XKR4: variants seen among roughly 807,000 people sequenced by gnomAD.
The protein encoded by XKR4 is XK-related protein 4.
Under a neutral mutation model 53.9 loss-of-function variants are expected in XKR4, and 12 were observed. That is an observed-to-expected ratio of 0.22 (90% confidence interval 0.14 to 0.36). XKR4 has a LOEUF of 0.36. Among genes scored for constraint, XKR4 ranks in the 10% least tolerant of loss-of-function variants. The pLI is 1.00. For missense variants in XKR4, 799 were observed against 859.5 expected (o/e 0.93, Z 0.88); for synonymous variants, 354 against 362.4 (o/e 0.98, Z 0.26).
At chr8:55,442,879 A>G (rs1429114394) in intron 2 of XKR4, among the ~76,000 whole-genome samples, 3 of 152,204 alleles carry the variant, frequency 2.0e-5, no homozygotes, top group Admixed American at 6.5e-5. Context: ...GGGGGTGATG[A>G]AAATGTTCTG....
chr8:55,512,744 A>AC (rs1356259498), intron 2 of XKR4, among the ~76,000 whole-genome samples: 3 of 152,016 alleles, frequency 2.0e-5, no homozygotes, highest in Non-Finnish European at 2.9e-5. Context: ...TCTGAGTGCA[A>AC]CCCACAGGTC....
chr8:55,111,644 A>G (rs1816233008), intron 1 of XKR4, among the ~76,000 whole-genome samples: 1 of 152,214 alleles, frequency 6.6e-6, no homozygotes, highest in South Asian at 2.1e-4. Flanking sequence ...ATTCGAAATG[A>G]TGTCAAAAGT....
intron 2 of XKR4, among the ~76,000 whole-genome samples, chr8:55,512,899 A>G (rs986736672): frequency 6.6e-6 from 1 of 151,818 alleles, no homozygotes; most frequent in Non-Finnish European, 1.5e-5. Context: ...GTTTAAGCAG[A>G]CTCCCAGCTC....
At chr8:55,309,321 C>T (rs1014189355) in intron 1 of XKR4, among the ~76,000 whole-genome samples, 7 of 152,196 alleles carry the variant, frequency 4.6e-5, no homozygotes, top group Non-Finnish European at 1.0e-4. Flanking sequence ...AGATTACATA[C>T]TATTTGATTC....
intron 1 of XKR4, among the ~76,000 whole-genome samples, chr8:55,103,874 T>G (rs1326947363): frequency 7.0e-6 from 1 of 143,398 alleles, no homozygotes; most frequent in Admixed American, 6.9e-5. Flanking sequence ...TATATATATA[T>G]ATATATATAT....
At chr8:55,514,279 TCTCA>T (rs1238921991) in intron 2 of XKR4, among the ~76,000 whole-genome samples, 1 of 131,646 alleles carries the variant, frequency 7.6e-6, no homozygotes, top group Non-Finnish European at 1.6e-5. Flanking sequence ...TGAGAAGGAG[TCTCA>T]CTCACTCTTG....
chr8:55,479,010 G>T (rs1376181816), intron 2 of XKR4, among the ~76,000 whole-genome samples: 1 of 151,974 alleles, frequency 6.6e-6, no homozygotes, highest in Non-Finnish European at 1.5e-5. Flanking sequence ...AAGTTAACAA[G>T]GATACCCAGG....
chr8:55,454,951 AAAG>A (rs1329009021), intron 2 of XKR4: 21 of 848,384 alleles, frequency 2.5e-5, no homozygotes, highest in Non-Finnish European at 3.5e-5. Context: ...GGACAGCAAC[AAAG>A]AAGGTCGGTG....
intron 1 of XKR4, among the ~76,000 whole-genome samples, chr8:55,329,133 T>C (rs572061311): frequency 1.3e-5 from 2 of 152,250 alleles, no homozygotes; most frequent in African/African-American, 4.8e-5. Context: ...GAAACTTGAG[T>C]TCCTAAATCT....
intron 2 of XKR4, among the ~76,000 whole-genome samples, chr8:55,395,433 T>A (rs1341690908): frequency 6.6e-6 from 1 of 151,986 alleles, no homozygotes; most frequent in Non-Finnish European, 1.5e-5. Context: ...TGAGAAATCA[T>A]AAGTCATGTG....
At chr8:55,142,275 C>T (rs1413865347) in intron 1 of XKR4, 1 of 440,784 alleles carries the variant, frequency 2.3e-6, no homozygotes, top group African/African-American at 2.0e-5. Flanking sequence ...TTGCCATTCT[C>T]CTGGATAAGG....
chr8:55,401,332 T>C (rs1037082773), intron 2 of XKR4, among the ~76,000 whole-genome samples: 4 of 152,186 alleles, frequency 2.6e-5, no homozygotes, highest in Non-Finnish European at 5.9e-5. Context: ...GGAGGCATGA[T>C]GGTTATCATG....
At chr8:55,217,887 A>G (rs78077055) in intron 1 of XKR4, among the ~76,000 whole-genome samples, 16 of 152,342 alleles carry the variant, frequency 1.1e-4, no homozygotes, top group African/African-American at 3.8e-4. Flanking sequence ...GGAAAAAGTA[A>G]GAAGAGCAAA....
chr8:55,297,958 AATTTC>A (rs1202456284), intron 1 of XKR4, among the ~76,000 whole-genome samples: 1 of 152,236 alleles, frequency 6.6e-6, no homozygotes. Flanking sequence ...TTCCATCAGC[AATTTC>A]ATCATCCAAT....
chr8:55,130,218 T>C (rs182983905), intron 1 of XKR4, among the ~76,000 whole-genome samples: 1 of 147,684 alleles, frequency 6.8e-6, no homozygotes. Flanking sequence ...AAATAGGTAA[T>C]ATGTCAGGTG....
rs1807065408 is a variant in XKR4, at chr8:55,538,774, G to A, written c.*14547G>A. On this transcript the variant is annotated 3_prime_UTR_variant, in exon 3 of 3. Coordinates refer to ENST00000327381, the MANE Select transcript of XKR4 (RefSeq NM_052898.2). Reference sequence around the variant, plus strand: ...GGTGGCGTTCTGAAATCCACTACTGGGGAAAGATTTTTAACAGATATTAGT... The same window carrying A: ...GGTGGCGTTCTGAAATCCACTACTGAGGAAAGATTTTTAACAGATATTAGT... The A allele has an allele frequency of 6.6e-6, 1 of 152,088 alleles. No homozygotes were observed. The highest frequency in any genetic ancestry group is 6.5e-5 in the Admixed American group (1 of 15,278). 9.4% of individuals were successfully genotyped at this position (152,088 alleles called of 1,614,324 possible).
chr8:55,480,431 C>T (rs991451104), intron 2 of XKR4, among the ~76,000 whole-genome samples: 1 of 152,088 alleles, frequency 6.6e-6, no homozygotes, highest in Non-Finnish European at 1.5e-5. Flanking sequence ...TATGACAAAC[C>T]CACAGCCAAT....
intron 2 of XKR4, among the ~76,000 whole-genome samples, chr8:55,505,410 G>A (rs977139890): frequency 2.6e-5 from 4 of 152,082 alleles, no homozygotes; most frequent in African/African-American, 9.7e-5. Flanking sequence ...AAATAGCCAG[G>A]CATGATGGCA....
At chr8:55,181,301 T>TC (rs1326748642) in intron 1 of XKR4, among the ~76,000 whole-genome samples, 9 of 152,160 alleles carry the variant, frequency 5.9e-5, no homozygotes, top group Admixed American at 2.0e-4. Context: ...AACAACAGTG[T>TC]CATCTCCTTG....
Sources: gnomAD v4.1 joint callset for allele counts (sites outside exome capture counted in the v4.1 genomes callset) on GRCh38, gnomAD v4.1.1 for gene constraint, MANE v1.5 for transcripts, NCBI Gene and HGNC (gene_info 2026-07-23, HGNC 2026-07-21) for gene names.